Variants in MCTP2 observed in about 807,000 individuals in gnomAD.
MCTP2 encodes multiple C2 and transmembrane domain-containing protein 2.
A neutral mutation model predicts 111.6 loss-of-function variants in MCTP2; 132 were observed. The ratio of observed to expected loss-of-function variants is 1.18; its 90% confidence interval spans 1.03 to 1.37. The LOEUF (loss-of-function observed/expected upper bound fraction) is 1.37, where lower values mean the gene tolerates loss of function less well. Ranked by LOEUF, MCTP2 falls within the 40% of genes most tolerant of loss-of-function variation. MCTP2 has a pLI of 0.00. For synonymous variants in MCTP2, 395 were observed against 387.7 expected (o/e 1.02, Z -0.22); for missense variants, 1,183 against 1,067.9 (o/e 1.11, Z -1.50).
At chr15:94,260,957 C>T (rs1430684899) in intron 1 of MCTP2, among the ~76,000 whole-genome samples, 1 of 152,144 alleles carries the variant, frequency 6.6e-6, no homozygotes, top group Non-Finnish European at 1.5e-5. Context: ...CTCTCTGAAG[C>T]CTGCTACCTG....
chr15:94,235,288 C>A (rs548764766), intron 1 of MCTP2, among the ~76,000 whole-genome samples: 12 of 151,938 alleles, frequency 7.9e-5, no homozygotes, highest in Admixed American at 3.3e-4. Flanking sequence ...GGTTTAGACT[C>A]ATTCATTCTC....
chr15:94,348,217 T>C (rs1046830278), intron 8 of MCTP2, among the ~76,000 whole-genome samples: 2 of 151,726 alleles, frequency 1.3e-5, no homozygotes, highest in African/African-American at 4.8e-5. Flanking sequence ...CTCTCTGTTA[T>C]TGCAAAGGCT....
At chr15:94,324,687 T>C (rs2076779898) in intron 4 of MCTP2, among the ~76,000 whole-genome samples, 1 of 152,194 alleles carries the variant, frequency 6.6e-6, no homozygotes, top group Admixed American at 6.5e-5. Flanking sequence ...CAAGTTCATA[T>C]TTAAAAGGAG....
At chr15:94,313,808 G>A (rs548512450) in intron 2 of MCTP2, among the ~76,000 whole-genome samples, 1 of 152,316 alleles carries the variant, frequency 6.6e-6, no homozygotes, top group South Asian at 2.1e-4. Context: ...TTGACCAGTT[G>A]CTAGCCCCAT....
intron 20 of MCTP2, among the ~76,000 whole-genome samples, chr15:94,469,749 G>A (rs145397584): frequency 3.9e-5 from 6 of 152,184 alleles, no homozygotes; most frequent in African/African-American, 1.4e-4. Flanking sequence ...TCTCTTGCCT[G>A]TAGTCCCAGC....
chr15:94,251,362 T>G (rs1338835884), intron 1 of MCTP2, among the ~76,000 whole-genome samples: 5 of 115,692 alleles, frequency 4.3e-5, no homozygotes, highest in Non-Finnish European at 9.3e-5. Flanking sequence ...ATACGCATTT[T>G]GTTTTTTTTT....
chr15:94,459,092 A>G (rs1458697031), intron 20 of MCTP2, among the ~76,000 whole-genome samples: 1 of 152,204 alleles, frequency 6.6e-6, no homozygotes, highest in East Asian at 1.9e-4. Flanking sequence ...TTTGGCACCA[A>G]TAAGTGGAAG....
At chr15:94,338,384 T>C (rs2077467756) in intron 4 of MCTP2, among the ~76,000 whole-genome samples, 2 of 152,200 alleles carry the variant, frequency 1.3e-5, no homozygotes, top group Non-Finnish European at 2.9e-5. Flanking sequence ...CCTTCCACCG[T>C]TCACTAGGTA....
At chr15:94,268,717 G>C (rs2073739855) in intron 1 of MCTP2, among the ~76,000 whole-genome samples, 1 of 150,844 alleles carries the variant, frequency 6.6e-6, no homozygotes, top group Non-Finnish European at 1.5e-5. Flanking sequence ...ACTTCTTATG[G>C]ACAGGTTTTG....
intron 1 of MCTP2, among the ~76,000 whole-genome samples, chr15:94,244,048 A>G (rs1474385823): frequency 6.8e-6 from 1 of 146,600 alleles, no homozygotes; most frequent in African/African-American, 2.5e-5. Context: ...TTGCACACAT[A>G]TGTATACACA....
rs983531797 is a variant in MCTP2, at chr15:94,254,295, A to AGG, written c.-66+22632_-66+22633insGG. 1.9e-4 allele frequency among the ~76,000 whole-genome samples: 29 copies of AGG among 152,248 alleles called. 1 individual carries two copies. Among genetic ancestry groups the AGG allele is most frequent in the Admixed American group, 1.4e-3 (21 of 15,298 alleles). On this transcript the variant is annotated intron_variant, in intron 1 of 22. Coordinates refer to ENST00000357742, the MANE Select transcript of MCTP2 (RefSeq NM_001385001.1). ...ATGATGACTGCTTTGCCCAGAGTAG[A>AGG]GATTTGGTGATCCCAGTTACGTAGG...
At chr15:94,313,699 TA>T (rs1210458691) in intron 2 of MCTP2, among the ~76,000 whole-genome samples, 99 of 144,538 alleles carry the variant, frequency 6.8e-4, no homozygotes, top group African/African-American at 1.8e-3. Flanking sequence ...AGACTCTGTC[TA>T]AAAAAAAAAA....
intron 1 of MCTP2, among the ~76,000 whole-genome samples, chr15:94,268,637 A>G (rs1195190112): frequency 1.3e-5 from 2 of 151,996 alleles, no homozygotes; most frequent in Admixed American, 6.5e-5. Flanking sequence ...CAGAACTTCT[A>G]TTTCTGTATA....
At chr15:94,310,753 T>A (rs914777862) in intron 2 of MCTP2, among the ~76,000 whole-genome samples, 1 of 151,028 alleles carries the variant, frequency 6.6e-6, no homozygotes, top group African/African-American at 2.4e-5. Flanking sequence ...TATTTAAAAA[T>A]TTTTATATTC....
rs774644077 is a variant in MCTP2, at chr15:94,401,986, G to A, written c.2052G>A (p.Trp684Ter). The A allele has an allele frequency of 3.7e-6, 6 of 1,613,372 alleles. No individual in the cohort carries two copies. In the South Asian group the frequency reaches 5.5e-5, roughly 15 times the overall value. ...TMQFLKSCFQ[W>*]ESTLRSTIAF... ...AGTTCCTTAAAAGCTGCTTCCAGTG[G>A]GAATCCACATTAAGAAGTACAATAG... The change falls in exon 17 of 23, where the codon TGG (tryptophan) becomes TGA (stop). Residue 684 changes from tryptophan (W) to a stop codon, truncating the protein, a stop_gained. Coordinates refer to ENST00000357742, the MANE Select transcript of MCTP2 (RefSeq NM_001385001.1). LOFTEE classifies it high-confidence loss of function.
intron 20 of MCTP2, among the ~76,000 whole-genome samples, chr15:94,460,499 T>A (rs1449658235): frequency 6.6e-6 from 1 of 152,166 alleles, no homozygotes; most frequent in Non-Finnish European, 1.5e-5. Context: ...GAGGCACGTA[T>A]TGACAGCAAG....
intron 12 of MCTP2, among the ~76,000 whole-genome samples, chr15:94,382,033 G>T (rs1308590544): frequency 1.3e-5 from 2 of 152,252 alleles, no homozygotes; most frequent in Non-Finnish European, 2.9e-5. Context: ...TACAAAGTCA[G>T]TATTCCCTTT....
chr15:94,326,120 G>A (rs770420377), intron 4 of MCTP2, among the ~76,000 whole-genome samples: 3 of 151,756 alleles, frequency 2.0e-5, no homozygotes, highest in Admixed American at 6.6e-5. Flanking sequence ...TGGCTGGCCC[G>A]CCCCGATTTT....
intron 8 of MCTP2, among the ~76,000 whole-genome samples, chr15:94,354,050 G>A (rs538670664): frequency 2.0e-4 from 30 of 150,666 alleles, no homozygotes; most frequent in East Asian, 3.9e-4. Context: ...ATATTATTCC[G>A]GATGGAACAT....
Sources: allele counts gnomAD v4.1 joint callset (sites outside exome capture counted in the v4.1 genomes callset), GRCh38; gene constraint gnomAD v4.1.1; transcripts MANE v1.5; gene names NCBI Gene and HGNC (gene_info 2026-07-23, HGNC 2026-07-21).